SLC5A2: variants seen among roughly 807,000 people sequenced by gnomAD.
SLC5A2 encodes the protein sodium/glucose cotransporter 2.
A neutral mutation model predicts 69.0 loss-of-function variants in SLC5A2; 67 were observed. The ratio of observed to expected loss-of-function variants is 0.97; its 90% CI spans 0.80 to 1.19. The LOEUF is 1.19. Among genes scored for constraint, SLC5A2 ranks in the 50% most tolerant of loss-of-function variants. SLC5A2 has a pLI of 0.00. For synonymous variants in SLC5A2, 455 were observed against 395.8 expected, an observed-to-expected ratio of 1.15 and a Z score of -1.78; for missense variants, 1,001 against 921.5, an observed-to-expected ratio of 1.09 and a Z score of -1.12.
chr16:31,488,478 C>G lies in SLC5A2; in HGVS notation c.1117C>G (p.Leu373Val). ...CGCCTACCCGCGGCTCGTCGTGAAG[C>G]TCATGCCCAACGGTAAGGGCAGCCC... ...NIAYPRLVVK[L>V]MPNGLRGLML... The change falls in exon 9 of 14, where the codon CTC becomes GTC. Residue 373 changes from leucine to valine, a missense_variant. Coordinates refer to ENST00000330498, the MANE Select transcript of SLC5A2 (RefSeq NM_003041.4). The G allele has an allele frequency of 6.2e-7, 1 of 1,609,180 alleles. No homozygotes were observed. Among genetic ancestry groups the G allele is most frequent in the African/African-American group, 1.3e-5 (1 of 75,038 alleles).
chr16:31,484,976 G>A, intron 3 of SLC5A2, 53 bp downstream of exon 3: 2 of 1,501,516 alleles, frequency 1.3e-6, no homozygotes, highest in Non-Finnish European at 1.8e-6. Context: ...CACCTGGAAG[G>A]GTCACACCTT....
In SLC5A2 at chr16:31,490,225, T is replaced by A; in HGVS notation, c.1787T>A (p.Met596Lys). The change falls in exon 13 of 14, where the codon ATG (methionine) becomes AAG (lysine). Residue 596 changes from methionine to lysine, a missense_variant. Physicochemically the swap from Met to Lys is moderately conservative, Grantham distance 95. Coordinates refer to ENST00000330498, the MANE Select transcript of SLC5A2 (RefSeq NM_003041.4). ...QNGCPESAME[M>K]NEPQAPAPSL... ...GGGTGCCCAGAGAGTGCCATGGAGA[T>A]GAATGGTAGGGCACCATGCTGGGAG... 1 of 1,614,106 alleles carries A rather than the reference T, an allele frequency of 6.2e-7. No homozygotes were observed. Among genetic ancestry groups the A allele is most frequent in the South Asian group, 1.1e-5 (1 of 91,074 alleles).
intron 10 of SLC5A2, 22 bp from the exon 11 acceptor site, chr16:31,488,858 G>A (rs749353135): frequency 6.2e-7 from 1 of 1,603,498 alleles, no homozygotes. Context: ...GTCCGGGTTC[G>A]ATCCGACGGC....
In SLC5A2 at chr16:31,490,749, TA is replaced by T; in HGVS notation, c.*217del. 2 of 1,483,560 alleles carry T rather than the reference TA, an allele frequency of 1.3e-6. No individual in the cohort carries two copies. The highest frequency in any genetic ancestry group is 9.4e-7 in the Non-Finnish European group (1 of 1,066,254). 91.9% of individuals were successfully genotyped at this position (1,483,560 alleles called of 1,614,324 possible). On this transcript the variant is annotated 3_prime_UTR_variant, in exon 14 of 14. Transcript: ENST00000330498. ...CCGCTGCAGTTGCCCTAAGGAAAAA[TA>T]AAGCTGCCTTTCCCCTGTCCTGCTG...
Position 31,484,645 on chromosome 16 carries a change from C to T in SLC5A2, c.127-28C>T, listed in dbSNP as rs370282702. 12 of 1,602,118 alleles carry T rather than the reference C, an allele frequency of 7.5e-6. No homozygotes were observed. In the African/African-American group the frequency reaches 1.2e-4, roughly 16 times the overall value. Reference sequence around the variant, plus strand: ...TGAGGTCCAAGGCTGTGCCCTAAACCCAGGTCTCCCCCGCCTCTGTCTCCC... The same window carrying T: ...TGAGGTCCAAGGCTGTGCCCTAAACTCAGGTCTCCCCCGCCTCTGTCTCCC... On this transcript the variant is annotated intron_variant, in intron 1 of 13. Transcript: ENST00000330498.
In SLC5A2 at chr16:31,485,615, C is replaced by T. The variant is rs1224657075; in HGVS notation, c.304-114C>T. The T allele has an allele frequency of 3.7e-6, 5 of 1,335,160 alleles. No individual in the cohort carries two copies. The African/African-American group carries it at 7.3e-5, about 19-fold the overall frequency. 82.7% of individuals were successfully genotyped at this position (1,335,160 alleles called of 1,614,324 possible). A position where few individuals can be genotyped will look rare whatever the true frequency, so the allele number is the denominator to read the frequency against. On this transcript the variant is annotated intron_variant, in intron 3 of 13. Coordinates refer to ENST00000330498, the MANE Select transcript of SLC5A2 (RefSeq NM_003041.4). ...CCATCACCTGCAGTTGTCCTCTGGG[C>T]CCCAGATGTGGCCCTTCCCAGGGCC...
chr16:31,489,812 A>T (rs2082544547), intron 12 of SLC5A2: 1 of 469,692 alleles, frequency 2.1e-6, no homozygotes, highest in African/African-American at 2.0e-5. Flanking sequence ...TGTGAGCAGG[A>T]CTGCCAGGCC....
chr16:31,490,196 G>A lies in SLC5A2; in HGVS notation c.1758G>A (p.Gln586=), dbSNP rs746724730. 3.7e-5 allele frequency: 59 copies of A among 1,614,078 alleles called. No homozygotes were observed. The highest frequency in any genetic ancestry group is 1.6e-4 in the Middle Eastern group (1 of 6,082). The change falls in exon 13 of 14, where the codon CAG becomes CAA. Residue 586 remains glutamine, a synonymous_variant. Transcript: ENST00000330498. ...DEQQGSSLPV[Q]NGCPESAMEM... ...AGCAAGGCTCCTCACTCCCTGTACA[G>A]AATGGGTGCCCAGAGAGTGCCATGG... is the stretch of plus-strand genomic sequence containing the variant.
rs141376808 is a variant in SLC5A2, at chr16:31,490,528, A to G, written c.2012A>G (p.Tyr671Cys). ...MAVAVFLWGF[Y>C]A ...GTGGCCGTGTTCCTCTGGGGCTTCT[A>G]TGCCTAAGACCAACTGCGTTGGACA... is the stretch of plus-strand genomic sequence containing the variant. The change falls in exon 14 of 14, where the codon TAT becomes TGT. Residue 671 changes from tyrosine to cysteine, a missense_variant. Transcript: ENST00000330498. The G allele has an allele frequency of 2.9e-5, 47 of 1,611,024 alleles. No homozygotes were observed. The highest frequency in any genetic ancestry group is 3.9e-5 in the Non-Finnish European group (46 of 1,178,476).
At chr16:31,487,912 T>G in intron 7 of SLC5A2, 126 bp from the exon 8 acceptor site, 1 of 1,467,220 alleles carries the variant, frequency 6.8e-7, no homozygotes, top group South Asian at 1.2e-5. Flanking sequence ...GAAGGCTCCA[T>G]CTACTCCAAG....
intron 3 of SLC5A2, chr16:31,485,165 TG>T: frequency 1.6e-6 from 1 of 613,836 alleles, no homozygotes. Flanking sequence ...CCACTGCCTC[TG>T]GGAGCTTCCA....
chr16:31,483,833 T>C (rs1164689611), intron 1 of SLC5A2, among the ~76,000 whole-genome samples: 2 of 151,972 alleles, frequency 1.3e-5, no homozygotes, highest in Non-Finnish European at 2.9e-5. Context: ...GCAATCCTTC[T>C]GCCTCTGCCT....
chr16:31,490,438 A>T lies in SLC5A2; in HGVS notation c.1922A>T (p.Glu641Val). 1 of 1,613,878 alleles carries T rather than the reference A, an allele frequency of 6.2e-7. No individual in the cohort carries two copies. The highest frequency in any genetic ancestry group is 1.1e-5 in the South Asian group (1 of 91,020). The change falls in exon 14 of 14, where the codon GAG (glutamate) becomes GTG (valine). Residue 641 changes from glutamate (E) to valine (V), a missense_variant. Transcript: ENST00000330498. ...GCAGCGGCAGCAGCCAGGCGGCTGG[A>T]GGACATCAGCGAGGACCCGAGCTGG... ...EEAAAAARRL[E>V]DISEDPSWAR...
Position 31,484,826 on chromosome 16 carries a change from CCT to C in SLC5A2, c.213_214del (p.Phe72ArgfsTer277). 1 of 1,613,340 alleles carries C rather than the reference CCT, an allele frequency of 6.2e-7. No individual in the cohort carries two copies. Among genetic ancestry groups the C allele is most frequent in the Non-Finnish European group, 8.5e-7 (1 of 1,180,008 alleles). On this transcript the variant is annotated frameshift_variant, in exon 3 of 14. Transcript: ENST00000330498. LOFTEE classifies it high-confidence loss of function. ...CCTCCTCTGGCCACCCAGGTTGGGG[CCT>C]CTCTCTTCGCCAGCAACATCGGCAG...
Position 31,487,522 on chromosome 16 carries a change from C to G in SLC5A2, c.656-8C>G. 1 of 1,613,572 alleles carries G rather than the reference C, an allele frequency of 6.2e-7. No homozygotes were observed. The highest frequency in any genetic ancestry group is 1.7e-4 in the Middle Eastern group (1 of 6,060). On this transcript the variant is annotated splice_polypyrimidine_tract_variant and splice_region_variant and intron_variant, in intron 6 of 13. Coordinates refer to ENST00000330498, the MANE Select transcript of SLC5A2 (RefSeq NM_003041.4). ...TAAGGAGGGTCCCCTGACGGCCTTG[C>G]CCGGCAGCCTTCCACGAGGTGGGCG...
chr16:31,486,035 T>C lies in SLC5A2; in HGVS notation c.469-135T>C, dbSNP rs891852912. 22 of 1,199,192 alleles carry C rather than the reference T, an allele frequency of 1.8e-5. No homozygotes were observed. In the Middle Eastern group the frequency reaches 1.5e-3, roughly 82 times the overall value. The allele number at this position is 1,199,192 out of a possible 1,614,324, so 74.3% of individuals were successfully genotyped here. A position where few individuals can be genotyped will look rare whatever the true frequency, so the allele number is the denominator to read the frequency against. On this transcript the variant is annotated intron_variant, in intron 4 of 13. Transcript: ENST00000330498. ...GGAGGCAGAGCCTGCAATGAATGTC[T>C]CCGGGGCACCAGCTACAGTGCTGGG...
chr16:31,487,927 C>T, intron 7 of SLC5A2, 111 bp from the exon 8 acceptor site: 1 of 1,515,406 alleles, frequency 6.6e-7, no homozygotes, highest in South Asian at 1.1e-5. Flanking sequence ...TCCAAGCGTG[C>T]AGCTGAACTT....
intron 12 of SLC5A2, chr16:31,489,846 G>A (rs2082544949): frequency 1.9e-6 from 1 of 517,878 alleles, no homozygotes; most frequent in African/African-American, 1.9e-5. Context: ...CTACCATCTG[G>A]GTGTAGACAG....
rs370405157 is a variant in SLC5A2 at position 31,489,084 on chromosome 16, C to T, written c.1449+36C>T. The T allele has an allele frequency of 6.2e-6, 10 of 1,603,500 alleles. No homozygotes were observed. In the African/African-American group the frequency reaches 9.3e-5, roughly 15 times the overall value. ...CGCGCGTGGTGACGGCAGGGCTGGG[C>T]TTGCACATCCTCAGCAGGCTGACCT... On this transcript the variant is annotated intron_variant, in intron 11 of 13. Coordinates refer to ENST00000330498, the MANE Select transcript of SLC5A2 (RefSeq NM_003041.4).
Sources: allele counts gnomAD v4.1 joint callset (sites outside exome capture counted in the v4.1 genomes callset), GRCh38; gene constraint gnomAD v4.1.1; transcripts MANE v1.5; gene names NCBI Gene and HGNC (gene_info 2026-07-23, HGNC 2026-07-21).